The following KANK2 variants were observed in gnomAD, a reference collection of about 807,000 sequenced individuals.
The protein encoded by KANK2 is KN motif and ankyrin repeat domains 2.
Under a neutral mutation model 74.6 loss-of-function variants are expected in KANK2, and 41 were observed. The ratio of observed to expected loss-of-function variants is 0.55; its 90% CI spans 0.43 to 0.71. KANK2 has a LOEUF of 0.71. Ranked by LOEUF, KANK2 falls within the 30% of genes least tolerant of loss-of-function variation. The pLI is 0.00. For missense variants in KANK2, 1,148 were observed against 1,196.4 expected, an observed-to-expected ratio of 0.96 and a Z score of 0.60; for synonymous variants, 537 against 519.0, an observed-to-expected ratio of 1.03 and a Z score of -0.47.
At chr19:11,173,179 AAGGAAC>A in intron 9 of KANK2, 56 bp from the exon 10 acceptor site, 1 of 1,564,042 alleles carries the variant, frequency 6.4e-7, no homozygotes, top group South Asian at 1.2e-5. Context: ...GGACTGCCCC[AAGGAAC>A]GTGGATACCA....
At chr19:11,172,427 C>T (rs1437763243) in intron 10 of KANK2, among the ~76,000 whole-genome samples, 2 of 152,198 alleles carry the variant, frequency 1.3e-5, no homozygotes, top group Non-Finnish European at 2.9e-5. Flanking sequence ...CGATCCCTCT[C>T]CTCCTCACTG....
intron 4 of KANK2, among the ~76,000 whole-genome samples, chr19:11,188,320 T>C (rs1477026053): frequency 1.3e-5 from 2 of 151,968 alleles, no homozygotes. Context: ...GCGATTCTCC[T>C]GTCTCAGCTT....
At chr19:11,180,018 G>A (rs1038802732) in intron 4 of KANK2, among the ~76,000 whole-genome samples, 1 of 152,202 alleles carries the variant, frequency 6.6e-6, no homozygotes, top group Non-Finnish European at 1.5e-5. Context: ...ATGCCACTGT[G>A]CCCAGCTAAT....
rs375690240 is a variant in KANK2, at chr19:11,193,864, C to T, written c.216G>A (p.Ser72=). 2.5e-6 allele frequency: 4 copies of T among 1,612,894 alleles called. No individual in the cohort carries two copies. The highest frequency in any genetic ancestry group is 2.5e-6 in the Non-Finnish European group (3 of 1,179,678). Residue 72 remains serine (S), a synonymous_variant, in exon 4 of 13, where the codon TCG becomes TCA. Transcript: ENST00000586659. This position sits in a 1 kb window ranked among gnomAD's most constrained non-coding sequence, Gnocchi z 9.6. The part of the protein sequence containing the change: ...VAVQRRPRLS[S]LPRGPGSWWT... ...ACCAGGAGCCAGGGCCACGGGGCAG[C>T]GAGCTCAGGCGGGGGCGGCGCTGCA...
Position 11,194,475 on chromosome 19 carries a change from C to G in KANK2, c.37G>C (p.Gly13Arg), listed in dbSNP as rs2078958903. 1.2e-6 allele frequency: 2 copies of G among 1,611,796 alleles called. No homozygotes were observed. The highest frequency in any genetic ancestry group is 1.3e-5 in the African/African-American group (1 of 74,890). ...QVLHVPAPFP[G>R]TPGPASPPAF... The stretch of plus-strand genomic sequence containing the variant: ...GGCCCTCTTCCCTGAGTCCCCTGAC[C>G]TGGGAAGGGAGCAGGCACGTGCAGG... The change falls in exon 3 of 13, where the codon GGG becomes CGG. Residue 13 changes from glycine to arginine, a missense_variant and splice_region_variant. Gly to Arg is a moderately radical substitution (Grantham distance 125, BLOSUM62 -2). Transcript: ENST00000586659.
intron 7 of KANK2, 126 bp downstream of exon 7, chr19:11,176,452 G>C: frequency 9.1e-7 from 1 of 1,101,776 alleles, no homozygotes; most frequent in Non-Finnish European, 1.3e-6. Flanking sequence ...GTGCTCGTTT[G>C]CTAATTCAGA....
chr19:11,182,804 C>T (rs1378915205), intron 4 of KANK2, among the ~76,000 whole-genome samples: 2 of 140,294 alleles, frequency 1.4e-5, no homozygotes, highest in African/African-American at 2.7e-5. Flanking sequence ...TATTATGCCA[C>T]TGCACTCCAG....
intron 4 of KANK2, chr19:11,192,477 C>T (rs1183401088): frequency 4.7e-6 from 1 of 214,210 alleles, no homozygotes; most frequent in Non-Finnish European, 9.4e-6. Flanking sequence ...CTCTGTTGCC[C>T]AGGCTGGAGT....
At chr19:11,188,768 G>A (rs1370419608) in intron 4 of KANK2, among the ~76,000 whole-genome samples, 1 of 151,868 alleles carries the variant, frequency 6.6e-6, no homozygotes, top group Non-Finnish European at 1.5e-5. Flanking sequence ...CAGACCACAA[G>A]GTTAGGAGTT....
At chr19:11,192,322 G>A (rs56321276) in intron 4 of KANK2, 2 of 173,292 alleles carry the variant, frequency 1.2e-5, no homozygotes, top group East Asian at 1.5e-4. Flanking sequence ...ACAGCCCTGA[G>A]GGTTGGCTGC....
Position 11,174,544 on chromosome 19 carries a change from T to C in KANK2, c.1997A>G (p.Asn666Ser), listed in dbSNP as rs1481291955. ...LDYVVNIADS[N>S]GNTALHYSVS... ...GGAGTAGTGCAGGGCTGTGTTGCCG[T>C]TGCTGTCGGCGATGTTGACCACGTA... is the stretch of plus-strand genomic sequence containing the variant. The change falls in exon 9 of 13, where the codon AAC (asparagine) becomes AGC (serine). Residue 666 changes from asparagine (N) to serine (S), a missense_variant. Physicochemically the swap from Asn to Ser is conservative, Grantham distance 46 (BLOSUM62 1). Transcript: ENST00000586659. The C allele has an allele frequency of 6.2e-7, 1 of 1,613,594 alleles. No individual in the cohort carries two copies. Among genetic ancestry groups the C allele is most frequent in the Non-Finnish European group, 8.5e-7 (1 of 1,179,878 alleles).
Position 11,170,426 on chromosome 19 carries a change from A to G in KANK2, c.2212-178T>C, listed in dbSNP as rs2078143104. 5 of 602,460 alleles carry G rather than the reference A, an allele frequency of 8.3e-6. No homozygotes were observed. Among genetic ancestry groups the G allele is most frequent in the Non-Finnish European group, 1.5e-5 (5 of 339,138 alleles). The allele number at this position is 602,460 out of a possible 1,614,324, so 37.3% of individuals were successfully genotyped here. A position where few individuals can be genotyped will look rare whatever the true frequency, so the allele number is the denominator to read the frequency against. On this transcript the variant is annotated intron_variant, in intron 10 of 12. Transcript: ENST00000586659. The surrounding 1 kb of genome is among the most constrained non-coding windows in gnomAD (Gnocchi z 5.2). The stretch of plus-strand genomic sequence containing the variant: ...CACCAGGGGAGTAATAAATCCACAG[A>G]GACAGAAAGCGGATGAGTGGTTGCC...
intron 8 of KANK2, 56 bp downstream of exon 8, chr19:11,175,846 G>A (rs1300352152): frequency 9.3e-6 from 12 of 1,288,240 alleles, no homozygotes; most frequent in Non-Finnish European, 1.2e-5. Flanking sequence ...GGCCACGGGT[G>A]GGGTGGAGGT....
At chr19:11,194,412 C>A in intron 3 of KANK2, 63 bp downstream of exon 3, 1 of 1,357,314 alleles carries the variant, frequency 7.4e-7, no homozygotes, top group South Asian at 1.2e-5. Context: ...AGGTCCCCAG[C>A]CCCCTCAGGC....
intron 4 of KANK2, among the ~76,000 whole-genome samples, chr19:11,187,107 T>C (rs1334157046): frequency 6.6e-6 from 1 of 151,050 alleles, no homozygotes; most frequent in Non-Finnish European, 1.5e-5. Flanking sequence ...AATACAAAAA[T>C]TAGCCAGGCG....
rs1226571520 is a variant in KANK2, at chr19:11,174,663, C to T, written c.1878G>A (p.Glu626=). ...CGCTGCGGCAGGCCAGGCGCAGCCACTCCTGCAGCACTGTGGTGTAGGCCA... is the reference window on the plus strand; with the variant it reads ...CGCTGCGGCAGGCCAGGCGCAGCCATTCCTGCAGCACTGTGGTGTAGGCCA... The part of the protein sequence containing the change: ...LKVAYTTVLQ[E]WLRLACRSDA... The change falls in exon 9 of 13, where the codon GAG becomes GAA. Residue 626 remains glutamate, a synonymous_variant. Transcript: ENST00000586659. 2.5e-6 allele frequency: 4 copies of T among 1,608,808 alleles called. No individual in the cohort carries two copies. The highest frequency in any genetic ancestry group is 2.2e-5 in the East Asian group (1 of 44,680).
intron 12 of KANK2, among the ~76,000 whole-genome samples, chr19:11,168,656 G>A (rs545520831): frequency 4.1e-4 from 62 of 152,186 alleles, no homozygotes; most frequent in South Asian, 3.5e-3. Context: ...TGACCACTGG[G>A]GACTACCTAG....
At chr19:11,171,361 T>C (rs1269823245) in intron 10 of KANK2, among the ~76,000 whole-genome samples, 1 of 151,992 alleles carries the variant, frequency 6.6e-6, no homozygotes, top group East Asian at 1.9e-4. Context: ...GTTGGAGGAC[T>C]GTTTGAGCAT....
intron 6 of KANK2, 107 bp from the exon 7 acceptor site, chr19:11,176,924 C>A: frequency 7.6e-7 from 1 of 1,321,034 alleles, no homozygotes. Context: ...CTCAGCTTCC[C>A]CATCTGTTCA....
Sources: allele counts gnomAD v4.1 joint callset (sites outside exome capture counted in the v4.1 genomes callset), GRCh38; gene constraint gnomAD v4.1.1; non-coding constraint Gnocchi (gnomAD v3.1); transcripts MANE v1.5; gene names NCBI Gene and HGNC (gene_info 2026-07-23, HGNC 2026-07-21).